The following KDM7A variants were observed in gnomAD, a reference collection of about 807,000 sequenced individuals.
The protein encoded by KDM7A is lysine demethylase 7A, also known as lysine-specific demethylase 7A.
KDM7A carries 28 observed loss-of-function variants against 114.8 expected under a neutral mutation model. The observed-to-expected ratio is 0.24, with a 90% confidence interval of 0.18 to 0.33. KDM7A has a LOEUF of 0.33. KDM7A is among the 10% of genes least tolerant of loss of function. The pLI, the probability that KDM7A is intolerant of heterozygous loss-of-function variation, is 1.00. For synonymous variants in KDM7A, 423 were observed against 397.8 expected (o/e 1.06, Z -0.75); for missense variants, 942 against 1,142.5 (o/e 0.82, Z 2.53).
chr7:140,100,716 A>ATATATATATATATATATACACG (rs1818203069), intron 12 of KDM7A, among the ~76,000 whole-genome samples: 3 of 36,696 alleles, frequency 8.2e-5, no homozygotes, highest in South Asian at 9.6e-4. Context: ...ATACACATAT[A>ATATATATATATATATATACACG]TATATATATA....
chr7:140,109,643 C>T (rs1199594996), intron 11 of KDM7A, among the ~76,000 whole-genome samples: 3 of 152,158 alleles, frequency 2.0e-5, no homozygotes, highest in African/African-American at 4.8e-5. Flanking sequence ...AGTTATTTGC[C>T]TCCAAATTAC....
At chr7:140,099,230 T>C (rs1189441650) in intron 13 of KDM7A, among the ~76,000 whole-genome samples, 197 bp from the exon 14 acceptor site, 4 of 152,234 alleles carry the variant, frequency 2.6e-5, no homozygotes, top group Admixed American at 6.5e-5. Context: ...GGTCTTGCTC[T>C]GTTGCCCTGG....
intron 1 of KDM7A, among the ~76,000 whole-genome samples, chr7:140,162,861 T>C (rs1347196041): frequency 6.6e-6 from 1 of 152,168 alleles, no homozygotes; most frequent in East Asian, 1.9e-4. Flanking sequence ...CCAGTTAAAT[T>C]GTGGTAAATC....
chr7:140,161,198 T>C (rs909060187), intron 1 of KDM7A, among the ~76,000 whole-genome samples: 3 of 152,218 alleles, frequency 2.0e-5, no homozygotes, highest in African/African-American at 7.2e-5. Context: ...CATGTCTACA[T>C]TGTAGCATAT....
chr7:140,098,183 C>T (rs1818146431), intron 14 of KDM7A, among the ~76,000 whole-genome samples: 1 of 152,178 alleles, frequency 6.6e-6, no homozygotes. Context: ...GCCAATTTCA[C>T]TCAGATTAGC....
rs750320658 is a variant in KDM7A, at chr7:140,096,634, A to T, written c.2295T>A (p.Ser765=). The T allele has an allele frequency of 6.2e-7, 1 of 1,614,130 alleles. No homozygotes were observed. The highest frequency in any genetic ancestry group is 1.1e-5 in the South Asian group (1 of 91,082). ...CATGGCAGCTGCTGGGATCCTGGAGAGAGTTTCTTTCACCACTGCAGTCTG... is the reference window on the plus strand; with the variant it reads ...CATGGCAGCTGCTGGGATCCTGGAGTGAGTTTCTTTCACCACTGCAGTCTG... ...QSTDCSGERN[S]LQDPSSCHGS... is the part of the protein sequence containing the mutation. Residue 765 remains serine, a synonymous_variant, in exon 17 of 20, where the codon TCT becomes TCA. Transcript: ENST00000397560.
At chr7:140,094,606 C>T (rs981523980) in intron 17 of KDM7A, 1 of 154,662 alleles carries the variant, frequency 6.5e-6, no homozygotes, top group Non-Finnish European at 1.4e-5. Context: ...TCACTATATG[C>T]CTTTCCCTCA....
At chr7:140,132,959 G>A (rs1214695467) in intron 3 of KDM7A, among the ~76,000 whole-genome samples, 1 of 152,140 alleles carries the variant, frequency 6.6e-6, no homozygotes, top group Admixed American at 6.5e-5. Context: ...TAGATGTCAG[G>A]CAGTGAGTAG....
intron 10 of KDM7A, among the ~76,000 whole-genome samples, chr7:140,112,707 TATA>T (rs200121780): frequency 0.062 from 9,489 of 152,236 alleles, 370 homozygotes; most frequent in Non-Finnish European, 0.09. Context: ...TCCATGGAGT[TATA>T]ATAAAGATGA....
intron 10 of KDM7A, among the ~76,000 whole-genome samples, chr7:140,112,034 T>C (rs1050501354): frequency 6.6e-6 from 1 of 152,202 alleles, no homozygotes; most frequent in African/African-American, 2.4e-5. Context: ...AAACAAATTA[T>C]ACAGTTTTGG....
intron 11 of KDM7A, among the ~76,000 whole-genome samples, chr7:140,107,068 G>T (rs1237814513): frequency 2.0e-5 from 3 of 152,246 alleles, no homozygotes; most frequent in East Asian, 3.9e-4. Context: ...TTTAAAGTCT[G>T]TTTTATCAGA....
chr7:140,171,306 A>G (rs1466205296), intron 1 of KDM7A, among the ~76,000 whole-genome samples: 1 of 89,012 alleles, frequency 1.1e-5, no homozygotes, highest in Non-Finnish European at 2.0e-5. Flanking sequence ...TAAAAATACA[A>G]AAAAAAAAAA....
intron 9 of KDM7A, among the ~76,000 whole-genome samples, chr7:140,116,465 A>C (rs1818531287): frequency 6.6e-6 from 1 of 152,218 alleles, no homozygotes; most frequent in African/African-American, 2.4e-5. Flanking sequence ...CAGGTGATAA[A>C]ACTGAAGAAA....
chr7:140,144,790 T>C (rs1447529601), intron 1 of KDM7A, among the ~76,000 whole-genome samples: 4 of 151,884 alleles, frequency 2.6e-5, no homozygotes, highest in African/African-American at 9.7e-5. Context: ...CGGTGTGAAT[T>C]GTTTGGGTCA....
At chr7:140,137,086 G>A (rs1305506923) in intron 2 of KDM7A, among the ~76,000 whole-genome samples, 2 of 152,082 alleles carry the variant, frequency 1.3e-5, no homozygotes, top group East Asian at 1.9e-4. Context: ...AGAAGGTGAG[G>A]AGTAGGGAAG....
intron 11 of KDM7A, among the ~76,000 whole-genome samples, chr7:140,110,648 T>C (rs561480520): frequency 9.8e-5 from 15 of 152,286 alleles, no homozygotes; most frequent in African/African-American, 3.1e-4. Flanking sequence ...TATGAGCTTT[T>C]ATTAAAGGGC....
Position 140,129,682 on chromosome 7 carries a change from C to A in KDM7A, c.399-29G>T, listed in dbSNP as rs756145105. On this transcript the variant is annotated intron_variant, in intron 3 of 19. Coordinates refer to ENST00000397560, the MANE Select transcript of KDM7A (RefSeq NM_030647.2). ...AGGAAAAACATAAGAATAAAAATGT[C>A]ATTTTTATTGGTAAGGTCAGTTTAA... 4 of 1,484,470 alleles carry A rather than the reference C, an allele frequency of 2.7e-6. No homozygotes were observed. In the South Asian group the frequency reaches 4.6e-5, roughly 17 times the overall value. 92.0% of individuals were successfully genotyped at this position (1,484,470 alleles called of 1,614,324 possible).
Position 140,167,101 on chromosome 7 carries a change from T to C in KDM7A, c.194+9643A>G, listed in dbSNP as rs528101786. ...AAAACACACCTGAAAGACACAAAAG[T>C]AGATATAAATAAAATAAATAAAAGA... On this transcript the variant is annotated intron_variant, in intron 1 of 19. Transcript: ENST00000397560. Among the ~76,000 whole-genome samples the C allele has an allele frequency of 3.3e-5, 5 of 152,142 alleles. No homozygotes were observed. In the South Asian group the frequency reaches 8.3e-4, roughly 25 times the overall value.
rs1794524414 is a variant in KDM7A, at chr7:140,161,965, A to G, written c.194+14779T>C. On this transcript the variant is annotated intron_variant, in intron 1 of 19. Coordinates refer to ENST00000397560, the MANE Select transcript of KDM7A (RefSeq NM_030647.2). Reference sequence around the variant, plus strand: ...ACAGTTTTTGCACATTAAAAATACCAAATTATCTACAATGGTATAAGTTCC... The same window carrying G: ...ACAGTTTTTGCACATTAAAAATACCGAATTATCTACAATGGTATAAGTTCC... Among the ~76,000 whole-genome samples, 7 of 152,350 alleles carry G rather than the reference A, an allele frequency of 4.6e-5. No homozygotes were observed. In the South Asian group the frequency reaches 1.5e-3, roughly 32 times the overall value.
Sources: allele counts gnomAD v4.1 joint callset (sites outside exome capture counted in the v4.1 genomes callset), GRCh38; gene constraint gnomAD v4.1.1; transcripts MANE v1.5; gene names NCBI Gene and HGNC (gene_info 2026-07-23, HGNC 2026-07-21).